Variants in LRP2BP observed in about 807,000 individuals in gnomAD.
LRP2BP encodes the protein LRP2 binding protein, also known as LRP2-binding protein.
A neutral mutation model predicts 45.2 loss-of-function variants in LRP2BP; 38 were observed. That is an observed-to-expected ratio of 0.84 (90% confidence interval 0.65 to 1.10). The LOEUF is 1.10. Ranked by LOEUF, LRP2BP falls within the 50% of genes least tolerant of loss-of-function variation. The pLI, the probability that LRP2BP is intolerant of heterozygous loss-of-function variation, is 0.00. For synonymous variants in LRP2BP, 153 were observed against 153.9 expected (o/e 0.99, Z 0.04); for missense variants, 385 against 418.9 (o/e 0.92, Z 0.71).
intron 1 of LRP2BP, chr4:185,379,058 AG>A (rs551884894): frequency 2.6e-6 from 2 of 776,616 alleles, no homozygotes; most frequent in Non-Finnish European, 3.1e-6. Flanking sequence ...AACATTTAGT[AG>A]GGGAAAAAAA....
intron 1 of LRP2BP, among the ~76,000 whole-genome samples, chr4:185,391,779 C>G (rs2095489013): frequency 6.6e-6 from 1 of 152,176 alleles, no homozygotes; most frequent in African/African-American, 2.4e-5. Context: ...GCCCTGGTTT[C>G]TTTCACTAGA....
Position 185,394,264 on chromosome 4 carries a change from TAAAAAA to T in LRP2BP, c.-22+509_-22+514del, listed in dbSNP as rs56883920. 2.1e-4 allele frequency among the ~76,000 whole-genome samples: 26 copies of T among 121,392 alleles called. No individual in the cohort carries two copies. The South Asian group carries it at 2.2e-3, about 10-fold the overall frequency. 79.6% of individuals were successfully genotyped at this position (121,392 alleles called of 152,430 possible). ...AGACAGCGAGATTGTGTTTCAGAGT[TAAAAAA>T]AAAAAAAAAAAAAAAGGCCTTTGGT... On this transcript the variant is annotated intron_variant, in intron 1 of 8. Coordinates refer to ENST00000505916, the MANE Select transcript of LRP2BP (RefSeq NM_001377440.1).
Position 185,374,371 on chromosome 4 carries a change from T to G in LRP2BP, c.421A>C (p.Arg141=), listed in dbSNP as rs2095426094. The G allele has an allele frequency of 6.2e-6, 10 of 1,614,202 alleles. No individual in the cohort carries two copies. Among genetic ancestry groups the G allele is most frequent in the Non-Finnish European group, 7.6e-6 (9 of 1,180,016 alleles). The stretch of plus-strand genomic sequence containing the variant: ...ACACCTTTTCCTTCATAATAAGCTC[T>G]TCCGAGGTTGTAAGCAGCTGCAAAT... ...LKFAAAYNLG[R]AYYEGKGVKR... Residue 141 remains arginine, a synonymous_variant, in exon 5 of 9, where the codon AGA becomes CGA. Coordinates refer to ENST00000505916, the MANE Select transcript of LRP2BP (RefSeq NM_001377440.1).
chr4:185,394,974 G>T lies in LRP2BP; in HGVS notation c.-217C>A. On this transcript the variant is annotated 5_prime_UTR_variant, in exon 1 of 9. In the 5' UTR this introduces an upstream ATG that the reference lacks. Transcript: ENST00000505916. ...CTGGTGAAACTCCAGTTACTTGCCA[G>T]TAAGATATTGTCCCCCAAATGTACT... The T allele has an allele frequency of 3.0e-6, 3 of 985,460 alleles. No homozygotes were observed. The highest frequency in any genetic ancestry group is 3.6e-6 in the Non-Finnish European group (3 of 829,940). 61.0% of individuals were successfully genotyped at this position (985,460 alleles called of 1,614,324 possible).
rs1003492216 is a variant in LRP2BP at position 185,365,258 on chromosome 4, C to A, written c.*1922G>T. ...ATAGCATGTTACCATGTATGGCACA[C>A]GTCAAAGTTTATGATTTCTGAAACC... On this transcript the variant is annotated 3_prime_UTR_variant, in exon 9 of 9. Transcript: ENST00000505916. 5.9e-5 allele frequency: 9 copies of A among 152,062 alleles called. No individual in the cohort carries two copies. The highest frequency in any genetic ancestry group is 5.9e-4 in the Admixed American group (9 of 15,264). The allele number at this position is 152,062 out of a possible 1,614,324, so 9.4% of individuals were successfully genotyped here.
chr4:185,376,358 A>G (rs2095437485), intron 3 of LRP2BP, among the ~76,000 whole-genome samples: 2 of 151,598 alleles, frequency 1.3e-5, no homozygotes, highest in African/African-American at 4.9e-5. Context: ...GCTCACTGCA[A>G]CCTCTGCCTC....
Position 185,395,766 on chromosome 4 carries a change from A to T in LRP2BP, c.-1009T>A. The T allele has an allele frequency of 2.0e-6, 2 of 985,464 alleles. No homozygotes were observed. Among genetic ancestry groups the T allele is most frequent in the Non-Finnish European group, 2.4e-6 (2 of 829,918 alleles). 61.0% of individuals were successfully genotyped at this position (985,464 alleles called of 1,614,324 possible). ...ACTTATCTTTAGAGGACAAGCATGA[A>T]CTTGTTTTCTAACAGCATAACAATA... On this transcript the variant is annotated 5_prime_UTR_variant, in exon 1 of 9. Coordinates refer to ENST00000505916, the MANE Select transcript of LRP2BP (RefSeq NM_001377440.1).
Position 185,374,301 on chromosome 4 carries a change from G to C in LRP2BP, c.473+18C>G, listed in dbSNP as rs1172747904. On this transcript the variant is annotated intron_variant, in intron 5 of 8. Coordinates refer to ENST00000505916, the MANE Select transcript of LRP2BP (RefSeq NM_001377440.1). ...CAGCATTTCCTTCAAACCTAATCTT[G>C]TTCTCAGGTAGGATTACCTTTCAGC... 4.3e-6 allele frequency: 7 copies of C among 1,614,028 alleles called. No individual in the cohort carries two copies. The East Asian group carries it at 1.6e-4, about 36-fold the overall frequency.
At chr4:185,379,463 GAAAC>G (rs1266052884) in intron 1 of LRP2BP, among the ~76,000 whole-genome samples, 1 of 152,190 alleles carries the variant, frequency 6.6e-6, no homozygotes, top group Non-Finnish European at 1.5e-5. Context: ...CATCAGAAAT[GAAAC>G]AAATCAGAAA....
intron 4 of LRP2BP, 115 bp downstream of exon 4, chr4:185,375,498 A>ATATG (rs1554018405): frequency 3.3e-5 from 2 of 60,288 alleles, no homozygotes; most frequent in South Asian, 6.5e-4. Flanking sequence ...ATATATATAT[A>ATATG]TATATATATA....
intron 1 of LRP2BP, among the ~76,000 whole-genome samples, chr4:185,384,961 T>C (rs1358543239): frequency 2.0e-5 from 3 of 150,316 alleles, no homozygotes; most frequent in Non-Finnish European, 4.4e-5. Flanking sequence ...AAAAGTGCTT[T>C]TTTCCCACCC....
chr4:185,382,326 G>A (rs1399250193), intron 1 of LRP2BP, among the ~76,000 whole-genome samples: 2 of 152,168 alleles, frequency 1.3e-5, no homozygotes, highest in African/African-American at 2.4e-5. Flanking sequence ...TGCAACAAAC[G>A]TCTGCGTACT....
At chr4:185,390,146 C>T (rs1431398625) in intron 1 of LRP2BP, among the ~76,000 whole-genome samples, 1 of 152,174 alleles carries the variant, frequency 6.6e-6, no homozygotes, top group Non-Finnish European at 1.5e-5. Context: ...TTCGTAGTGA[C>T]TTGACTTTGA....
intron 1 of LRP2BP, among the ~76,000 whole-genome samples, chr4:185,389,630 C>T (rs1008590522): frequency 2.0e-5 from 3 of 149,636 alleles, no homozygotes; most frequent in African/African-American, 7.4e-5. Context: ...TAAAAAAAAA[C>T]AACTGAGTTT....
intron 8 of LRP2BP, among the ~76,000 whole-genome samples, chr4:185,369,258 T>G (rs2095406206): frequency 8.0e-6 from 1 of 124,254 alleles, no homozygotes; most frequent in Non-Finnish European, 1.6e-5. Context: ...TGAGACAGAG[T>G]CCCAGGCTGG....
Position 185,375,722 on chromosome 4 carries a change from C to T in LRP2BP, c.221G>A (p.Trp74Ter). The T allele has an allele frequency of 1.3e-6, 2 of 1,589,798 alleles. No individual in the cohort carries two copies. The highest frequency in any genetic ancestry group is 1.7e-6 in the Non-Finnish European group (2 of 1,160,876). ...AAACTGTTCTAATGCTTCTTCATAC[C>T]ATCCCTAGAAGCACCCAGAAGATAT... ...LRGQLYFEEG[W>*]YEEALEQFEE... is the part of the protein sequence containing the mutation. Residue 74 changes from tryptophan to a stop codon, truncating the protein, a stop_gained, in exon 4 of 9, where the codon TGG (tryptophan) becomes TAG (stop). Transcript: ENST00000505916. LOFTEE classifies it high-confidence loss of function.
At chr4:185,397,018 G>C (rs1364278778), upstream of LRP2BP, 10 of 1,610,520 alleles carry the variant, frequency 6.2e-6, no homozygotes, top group Admixed American at 5.0e-5. Context: ...TCGTCTTCTC[G>C]TTAATGCGGG....
chr4:185,373,159 C>T, intron 6 of LRP2BP, 80 bp from the exon 7 acceptor site: 1 of 1,295,958 alleles, frequency 7.7e-7, no homozygotes, highest in East Asian at 2.4e-5. Context: ...GAAAAGAACT[C>T]TGTGTTTCCT....
At chr4:185,389,209 T>TTTTA (rs201829823) in intron 1 of LRP2BP, among the ~76,000 whole-genome samples, 1 of 151,502 alleles carries the variant, frequency 6.6e-6, no homozygotes, top group African/African-American at 2.4e-5. Flanking sequence ...TTTATTTTTA[T>TTTTA]TTTATTTATT....
Sources: gnomAD v4.1 joint callset for allele counts (sites outside exome capture counted in the v4.1 genomes callset) on GRCh38, gnomAD v4.1.1 for gene constraint, MANE v1.5 for transcripts, NCBI Gene and HGNC (gene_info 2026-07-23, HGNC 2026-07-21) for gene names.